PRDM7: variants seen among roughly 807,000 people sequenced by gnomAD.
PRDM7 encodes the protein histone-lysine N-methyltransferase PRDM7.
Under a neutral mutation model 64.3 loss-of-function variants are expected in PRDM7, and 52 were observed. That is an observed-to-expected ratio of 0.81 (90% confidence interval 0.65 to 1.02). The LOEUF (loss-of-function observed/expected upper bound fraction) is 1.02, where lower values mean the gene tolerates loss of function less well. PRDM7 is among the 50% of genes least tolerant of loss of function. The pLI is 0.00. For synonymous variants in PRDM7, 192 were observed against 210.1 expected (o/e 0.91, Z 0.74); for missense variants, 574 against 597.1 (o/e 0.96, Z 0.40).
chr16:90,063,501 G>T (rs2037817789), intron 6 of PRDM7, 111 bp downstream of exon 6: 2 of 1,198,840 alleles, frequency 1.7e-6, no homozygotes, highest in East Asian at 4.7e-5. Context: ...TCACAGTTGA[G>T]TCCAGCTTAA....
At chr16:90,065,901 G>A (rs960760218) in intron 5 of PRDM7, among the ~76,000 whole-genome samples, 3 of 151,106 alleles carry the variant, frequency 2.0e-5, no homozygotes, top group Non-Finnish European at 4.4e-5. Context: ...AAACACTCAG[G>A]AGGCTCTCAG....
chr16:90,060,269 G>A, intron 10 of PRDM7, 72 bp downstream of exon 10: 6 of 1,611,122 alleles, frequency 3.7e-6, no homozygotes, highest in Admixed American at 3.3e-5. Context: ...CTACTTAAGA[G>A]TTCAATCATG....
intron 5 of PRDM7, 34 bp from the exon 6 acceptor site, chr16:90,063,802 G>A (rs573923557): frequency 3.5e-5 from 57 of 1,611,110 alleles, no homozygotes; most frequent in Non-Finnish European, 4.1e-5. Flanking sequence ...AAAAGACAAC[G>A]TGCATTTATT....
intron 4 of PRDM7, among the ~76,000 whole-genome samples, chr16:90,070,652 G>T (rs1025565888): frequency 6.6e-6 from 1 of 151,422 alleles, no homozygotes; most frequent in African/African-American, 2.5e-5. Context: ...CCTTCCTGCT[G>T]TTGGCACACA....
chr16:90,076,420 T>C (rs2038037146), intron 1 of PRDM7, among the ~76,000 whole-genome samples: 1 of 151,160 alleles, frequency 6.6e-6, no homozygotes. Flanking sequence ...ATAGACAGGA[T>C]TTGGGGATCT....
At chr16:90,061,028 A>G (rs1372289585) in intron 9 of PRDM7, among the ~76,000 whole-genome samples, 1 of 152,198 alleles carries the variant, frequency 6.6e-6, no homozygotes, top group Non-Finnish European at 1.5e-5. Flanking sequence ...AATAACATAG[A>G]ACAGTAATAG....
chr16:90,061,386 G>C (rs2037773712), intron 9 of PRDM7, 66 bp downstream of exon 9: 2 of 1,493,356 alleles, frequency 1.3e-6, no homozygotes, highest in African/African-American at 1.4e-5. Context: ...ATAATGAGAA[G>C]GAAGGAAGTC....
At chr16:90,071,585 G>C (rs1428107553) in intron 4 of PRDM7, among the ~76,000 whole-genome samples, 5 of 133,232 alleles carry the variant, frequency 3.8e-5, no homozygotes, top group Non-Finnish European at 6.5e-5. Context: ...AGAAAGACAG[G>C]GAAGGGCCCA....
chr16:90,063,833 C>T lies in PRDM7; in HGVS notation c.352-65G>A, dbSNP rs531629675. On this transcript the variant is annotated intron_variant, in intron 5 of 10. Coordinates refer to ENST00000449207, the MANE Select transcript of PRDM7 (RefSeq NM_001098173.2). ...TTATTTAGTTCTTTACGGCTTGCAA[C>T]ATGTTTTCATATGACTGTAGTTAAT... The T allele has an allele frequency of 1.1e-3, 1,776 of 1,564,986 alleles. 31 individuals carry two copies. In the South Asian group the frequency reaches 0.018, roughly 16 times the overall value.
At position 90,076,444 on chromosome 16, in the gene PRDM7, C is replaced by A. The variant is rs112959931; in HGVS notation, c.-85-449G>T. ...ATTTGGGGATCTCTACCTGGGGATT[C>A]TAGAAAAATCCAGGAGTAAAGCAGT... On this transcript the variant is annotated intron_variant, in intron 1 of 10. Transcript: ENST00000449207. Among the ~76,000 whole-genome samples, 751 of 138,654 alleles carry A rather than the reference C, an allele frequency of 5.4e-3. 2 individuals are homozygous for A. Among genetic ancestry groups the A allele is most frequent in the African/African-American group, 0.017 (689 of 40,592 alleles). The allele number at this position is 138,654 out of a possible 152,430, so 91.0% of individuals were successfully genotyped here.
In PRDM7 at chr16:90,074,962, C is replaced by T. The variant is rs1298604697; in HGVS notation, c.255G>A (p.Val85=). Residue 85 remains valine (V), a synonymous_variant, in exon 4 of 11, where the codon GTG becomes GTA. Coordinates refer to ENST00000449207, the MANE Select transcript of PRDM7 (RefSeq NM_001098173.2). ...CHRRQAIKLQ[V]DDTEDSDEEW... is the part of the protein sequence containing the mutation. ...CTTCATCGGAATCTTCTGTGTCATC[C>T]ACCTGGAGTTTGATGGCCTGCCTTC... 3 of 1,614,140 alleles carry T rather than the reference C, an allele frequency of 1.9e-6. No individual in the cohort carries two copies. Among genetic ancestry groups the T allele is most frequent in the African/African-American group, 1.3e-5 (1 of 75,032 alleles).
At chr16:90,069,662 A>G (rs1047496766) in intron 4 of PRDM7, among the ~76,000 whole-genome samples, 3 of 151,242 alleles carry the variant, frequency 2.0e-5, no homozygotes, top group Non-Finnish European at 2.9e-5. Context: ...TAGTTCAGCT[A>G]TTCAGAGGCT....
intron 5 of PRDM7, among the ~76,000 whole-genome samples, chr16:90,066,028 A>C (rs2037867753): frequency 6.6e-6 from 1 of 151,278 alleles, no homozygotes; most frequent in African/African-American, 2.5e-5. Context: ...ATAACATGAC[A>C]GTTCCCTAAT....
chr16:90,072,153 C>G (rs888150153), intron 4 of PRDM7, among the ~76,000 whole-genome samples: 1 of 151,788 alleles, frequency 6.6e-6, no homozygotes, highest in African/African-American at 2.4e-5. Context: ...ATGGCGTGAA[C>G]CCGGGAGTCA....
At chr16:90,059,979 T>C (rs542803862) in intron 10 of PRDM7, among the ~76,000 whole-genome samples, 66 of 152,354 alleles carry the variant, frequency 4.3e-4, no homozygotes, top group African/African-American at 1.5e-3. Context: ...AATGAATGAA[T>C]AACAACATAT....
chr16:90,067,068 A>T (rs531674659), intron 4 of PRDM7, among the ~76,000 whole-genome samples, 158 bp from the exon 5 acceptor site: 1 of 151,106 alleles, frequency 6.6e-6, no homozygotes, highest in Non-Finnish European at 1.5e-5. Context: ...GGATTCAAGC[A>T]ATTCTCCTGC....
Position 90,056,599 on chromosome 16 carries a change from A to G in PRDM7, c.*1690T>C, listed in dbSNP as rs553850635. 1 of 152,356 alleles carries G rather than the reference A, an allele frequency of 6.6e-6. No individual in the cohort carries two copies. The highest frequency in any genetic ancestry group is 2.1e-4 in the South Asian group (1 of 4,828). The allele number at this position is 152,356 out of a possible 1,614,324, so 9.4% of individuals were successfully genotyped here. A position where few individuals can be genotyped will look rare whatever the true frequency, so the allele number is the denominator to read the frequency against. On this transcript the variant is annotated 3_prime_UTR_variant, in exon 11 of 11. Transcript: ENST00000449207. ...GGAAGCGGTTTATTCGGCCAGGAGC[A>G]TCAGCAAGACTGCTGTCTCAAGAGC...
intron 8 of PRDM7, 126 bp from the exon 9 acceptor site, chr16:90,061,645 T>C (rs1451499358): frequency 2.5e-6 from 3 of 1,216,110 alleles, no homozygotes; most frequent in Non-Finnish European, 1.2e-6. Flanking sequence ...CCACATGGCA[T>C]GCACCTTAGT....
At chr16:90,070,759 A>C (rs1283755808) in intron 4 of PRDM7, among the ~76,000 whole-genome samples, 2 of 152,200 alleles carry the variant, frequency 1.3e-5, no homozygotes, top group Non-Finnish European at 2.9e-5. Flanking sequence ...CTGATTTTTT[A>C]CTACCAGGCT....
Sources: gnomAD v4.1 joint callset for allele counts (sites outside exome capture counted in the v4.1 genomes callset) on GRCh38, gnomAD v4.1.1 for gene constraint, MANE v1.5 for transcripts, NCBI Gene and HGNC (gene_info 2026-07-23, HGNC 2026-07-21) for gene names.